Variants in JAKMIP2 observed in about 807,000 individuals in gnomAD.
JAKMIP2 encodes the protein janus kinase and microtubule interacting protein 2.
JAKMIP2 carries 25 observed loss-of-function variants against 115.0 expected under a neutral mutation model. The observed-to-expected ratio is 0.22, with a 90% CI of 0.16 to 0.30. JAKMIP2 has a LOEUF of 0.30. Ranked by LOEUF, JAKMIP2 falls within the 10% of genes least tolerant of loss-of-function variation. The pLI is 1.00. For synonymous variants in JAKMIP2, 334 were observed against 343.6 expected (o/e 0.97, Z 0.31); for missense variants, 642 against 957.6 (o/e 0.67, Z 4.35).
chr5:147,748,484 A>T (rs1336325179), intron 1 of JAKMIP2, among the ~76,000 whole-genome samples: 1 of 152,180 alleles, frequency 6.6e-6, no homozygotes, highest in Non-Finnish European at 1.5e-5. Flanking sequence ...GCCCCAAATC[A>T]TTTCTTTTCT....
chr5:147,721,731 T>C (rs1463243326), intron 1 of JAKMIP2, among the ~76,000 whole-genome samples: 2 of 152,082 alleles, frequency 1.3e-5, no homozygotes, highest in East Asian at 3.9e-4. Flanking sequence ...GCGCACCCAC[T>C]GACCTGCGCC....
chr5:147,598,458 A>ATCTATCTG (rs1413404742), intron 21 of JAKMIP2, among the ~76,000 whole-genome samples: 2 of 119,164 alleles, frequency 1.7e-5, no homozygotes, highest in African/African-American at 3.5e-5. Context: ...CTATCTATCT[A>ATCTATCTG]TCATCTATCT....
chr5:147,763,007 A>G (rs1416048899), intron 1 of JAKMIP2, among the ~76,000 whole-genome samples: 4 of 152,100 alleles, frequency 2.6e-5, no homozygotes, highest in African/African-American at 9.7e-5. Context: ...GGAACAATAT[A>G]CATGTGGTGT....
intron 1 of JAKMIP2, among the ~76,000 whole-genome samples, chr5:147,751,229 G>A (rs938508131): frequency 6.6e-6 from 1 of 150,868 alleles, no homozygotes; most frequent in Non-Finnish European, 1.5e-5. Context: ...GTGCCGCCAG[G>A]CCCGGCTAAG....
intron 1 of JAKMIP2, among the ~76,000 whole-genome samples, chr5:147,730,982 A>AT (rs1011955938): frequency 3.9e-4 from 58 of 150,492 alleles, no homozygotes; most frequent in African/African-American, 9.8e-4. Context: ...TGAATAAAGG[A>AT]TTTTTTTTTT....
At chr5:147,646,847 C>A (rs1307570019) in intron 5 of JAKMIP2, among the ~76,000 whole-genome samples, 3 of 151,116 alleles carry the variant, frequency 2.0e-5, no homozygotes, top group Non-Finnish European at 4.4e-5. Flanking sequence ...AATTTATATT[C>A]ATCTAGTAAC....
chr5:147,679,848 T>C (rs1760167829), intron 1 of JAKMIP2, among the ~76,000 whole-genome samples: 1 of 152,050 alleles, frequency 6.6e-6, no homozygotes, highest in African/African-American at 2.4e-5. Flanking sequence ...TCAGCTCTGG[T>C]TGCCGACAGG....
intron 20 of JAKMIP2, among the ~76,000 whole-genome samples, chr5:147,604,949 AT>A (rs1409229266): frequency 6.6e-6 from 1 of 151,424 alleles, no homozygotes; most frequent in Non-Finnish European, 1.5e-5. Context: ...TACATTAGGT[AT>A]TTCTCCTAAT....
Position 147,739,892 on chromosome 5 carries a change from G to A in JAKMIP2, c.-149+42564C>T, listed in dbSNP as rs144470734. On this transcript the variant is annotated intron_variant, in intron 1 of 21. Coordinates refer to ENST00000616793, the MANE Select transcript of JAKMIP2 (RefSeq NM_001270941.2). ...TTCTAGACTGATCAGAGAAGTCACA[G>A]CCCCTGCCCATTTTCCACCTAGGGT... Among the ~76,000 whole-genome samples, 1,118 of 152,306 alleles carry A rather than the reference G, an allele frequency of 7.3e-3. 3 individuals are homozygous for A. Among genetic ancestry groups the A allele is most frequent in the Middle Eastern group, 0.017 (5 of 294 alleles).
Position 147,661,297 on chromosome 5 carries a change from A to T in JAKMIP2, c.278T>A (p.Ile93Asn), listed in dbSNP as rs767040757. The change falls in exon 3 of 22, where the codon ATC becomes AAC. Residue 93 changes from isoleucine to asparagine, a missense_variant. Physicochemically the swap from Ile to Asn is moderately radical, Grantham distance 149. Transcript: ENST00000616793. ...KELQAVRENL[I>N]KQHEQEMSRT... Reference sequence around the variant, plus strand: ...TGACATTTCCTGCTCGTGCTGCTTGATAAGGTTCTCCCTCACAGCCTGCAG... The same window carrying T: ...TGACATTTCCTGCTCGTGCTGCTTGTTAAGGTTCTCCCTCACAGCCTGCAG... 1 of 1,613,828 alleles carries T rather than the reference A, an allele frequency of 6.2e-7. No individual in the cohort carries two copies. The highest frequency in any genetic ancestry group is 1.1e-5 in the South Asian group (1 of 91,062).
At chr5:147,718,451 A>G (rs1580827681) in intron 1 of JAKMIP2, among the ~76,000 whole-genome samples, 1 of 152,130 alleles carries the variant, frequency 6.6e-6, no homozygotes, top group African/African-American at 2.4e-5. Flanking sequence ...CCTCTGGTAG[A>G]ATTCAGCTGT....
chr5:147,742,120 G>A (rs141311395), intron 1 of JAKMIP2, among the ~76,000 whole-genome samples: 4 of 122,188 alleles, frequency 3.3e-5, no homozygotes, highest in Admixed American at 2.6e-4. Flanking sequence ...TCTTTGTTCC[G>A]CATTAGCCCT....
chr5:147,707,989 G>GTGCCCA (rs1190877361), intron 1 of JAKMIP2, among the ~76,000 whole-genome samples: 4 of 152,180 alleles, frequency 2.6e-5, no homozygotes, highest in Non-Finnish European at 4.4e-5. Flanking sequence ...GATTGTGAGA[G>GTGCCCA]AAGAGGGCAA....
chr5:147,720,811 AG>A (rs1204299014), intron 1 of JAKMIP2, among the ~76,000 whole-genome samples: 1 of 151,920 alleles, frequency 6.6e-6, no homozygotes, highest in Non-Finnish European at 1.5e-5. Context: ...CCCGTAGCTC[AG>A]AGTAATTTGA....
At chr5:147,607,186 A>C (rs6580489) in intron 20 of JAKMIP2, among the ~76,000 whole-genome samples, 144,728 of 152,150 alleles carry the variant, frequency 0.95, 69,237 homozygotes, top group East Asian at 1. Flanking sequence ...GTCTGATTAT[A>C]CTGGCCAAAA....
At chr5:147,725,731 C>G (rs568359751) in intron 1 of JAKMIP2, among the ~76,000 whole-genome samples, 1 of 152,210 alleles carries the variant, frequency 6.6e-6, no homozygotes, top group East Asian at 1.9e-4. Flanking sequence ...GGTTAGAGTC[C>G]TTCCTAAGAT....
intron 1 of JAKMIP2, among the ~76,000 whole-genome samples, chr5:147,727,323 A>T (rs1166826571): frequency 6.6e-6 from 1 of 152,216 alleles, no homozygotes; most frequent in Non-Finnish European, 1.5e-5. Flanking sequence ...GCCCAGCTAA[A>T]GTAGGGTGTA....
intron 10 of JAKMIP2, among the ~76,000 whole-genome samples, 193 bp from the exon 11 acceptor site, chr5:147,637,241 C>T (rs915246556): frequency 6.6e-6 from 1 of 152,130 alleles, no homozygotes; most frequent in East Asian, 1.9e-4. Flanking sequence ...TATTCAAACT[C>T]GTTAGCTTGG....
At position 147,773,586 on chromosome 5, in the gene JAKMIP2, C is replaced by T. The variant is rs781396660; in HGVS notation, c.-149+8870G>A. On this transcript the variant is annotated intron_variant, in intron 1 of 21. Coordinates refer to ENST00000616793, the MANE Select transcript of JAKMIP2 (RefSeq NM_001270941.2). ...TGTAGGCTTGATTTCAATAACCGTACGTAGGATGAAAGGAGAAAAACATAA... is the reference window on the plus strand; with the variant it reads ...TGTAGGCTTGATTTCAATAACCGTATGTAGGATGAAAGGAGAAAAACATAA... Among the ~76,000 whole-genome samples the T allele has an allele frequency of 5.3e-5, 8 of 151,982 alleles. No individual in the cohort carries two copies. In the South Asian group the frequency reaches 6.2e-4, roughly 12 times the overall value.
Sources: gnomAD v4.1 joint callset for allele counts (sites outside exome capture counted in the v4.1 genomes callset) on GRCh38, gnomAD v4.1.1 for gene constraint, MANE v1.5 for transcripts, NCBI Gene and HGNC (gene_info 2026-07-23, HGNC 2026-07-21) for gene names.